Variants in XRCC1 observed in about 807,000 individuals in gnomAD.
XRCC1 encodes DNA repair protein XRCC1.
A neutral mutation model predicts 83.3 loss-of-function variants in XRCC1; 52 were observed. The observed-to-expected ratio is 0.62, with a 90% confidence interval of 0.50 to 0.79. XRCC1 has a LOEUF of 0.79. Among genes scored for constraint, XRCC1 ranks in the 30% least tolerant of loss-of-function variants. The pLI, the probability that XRCC1 is intolerant of heterozygous loss-of-function variation, is 0.00. For missense variants in XRCC1, 793 were observed against 823.5 expected (o/e 0.96, Z 0.45); for synonymous variants, 281 against 312.6 (o/e 0.90, Z 1.07).
intron 2 of XRCC1, among the ~76,000 whole-genome samples, chr19:43,566,922 C>A: frequency 6.7e-6 from 1 of 150,152 alleles, no homozygotes; most frequent in Non-Finnish European, 1.5e-5. Flanking sequence ...TGGTAACAAC[C>A]CAATAAATGT....
rs45592142 is a variant in XRCC1, at chr19:43,543,341, CGTGTGTGTGTGT to C, written c.*39_*50del. 3.1e-4 allele frequency: 319 copies of C among 1,044,498 alleles called. No individual in the cohort carries two copies. The highest frequency in any genetic ancestry group is 1.6e-3 in the African/African-American group (93 of 56,582). The allele number at this position is 1,044,498 out of a possible 1,614,324, so 64.7% of individuals were successfully genotyped here. On this transcript the variant is annotated 3_prime_UTR_variant, in exon 17 of 17. Coordinates refer to ENST00000262887, the MANE Select transcript of XRCC1 (RefSeq NM_006297.3). ...ACCAACTCATCTTTATTAAATGCAT[CGTGTGTGTGTGT>C]GTGTGTGTGTGTGTGTGTGTGTGTG...
intron 2 of XRCC1, among the ~76,000 whole-genome samples, chr19:43,566,027 G>A (rs1972748982): frequency 6.6e-6 from 1 of 152,098 alleles, no homozygotes; most frequent in Admixed American, 6.6e-5. Flanking sequence ...CTTGAGGCCA[G>A]GAGTTCAAGA....
At position 43,569,350 on chromosome 19, in the gene XRCC1, C is replaced by T. The variant is rs566155339; in HGVS notation, c.144+5560G>A. On this transcript the variant is annotated intron_variant, in intron 2 of 16. Transcript: ENST00000262887. ...AATTAGACTGGTGAACTGGCACATG[C>T]CTGTAGTCCCAACTACTGAGGAGGC... Among the ~76,000 whole-genome samples the T allele has an allele frequency of 3.1e-4, 47 of 152,032 alleles. No individual in the cohort carries two copies. The Middle Eastern group carries it at 0.01, about 33-fold the overall frequency.
At position 43,552,002 on chromosome 19, in the gene XRCC1, G is replaced by A. The variant is rs369308354; in HGVS notation, c.1082+15C>T. On this transcript the variant is annotated intron_variant, in intron 9 of 16. Coordinates refer to ENST00000262887, the MANE Select transcript of XRCC1 (RefSeq NM_006297.3). ...GAGAAACTGCAGCGGCGCAGGGAGG[G>A]GGGCGCAAGCCTACATGAGGTGCGT... The A allele has an allele frequency of 1.8e-4, 295 of 1,612,246 alleles. No homozygotes were observed. Among genetic ancestry groups the A allele is most frequent in the Admixed American group, 3.8e-4 (23 of 59,952 alleles).
At chr19:43,556,868 G>T (rs142327387) in intron 3 of XRCC1, among the ~76,000 whole-genome samples, 1,997 of 152,246 alleles carry the variant, frequency 0.013, 23 homozygotes, top group Non-Finnish European at 0.021. Context: ...AGCTGGACAT[G>T]GTGGTAGGCA....
intron 14 of XRCC1, among the ~76,000 whole-genome samples, chr19:43,545,608 G>A (rs1285299716): frequency 6.6e-6 from 1 of 152,178 alleles, no homozygotes; most frequent in Non-Finnish European, 1.5e-5. Context: ...AAATCTGGAG[G>A]GGAGAAAAAG....
chr19:43,555,210 CAG>C (rs1233769696), intron 3 of XRCC1: 1 of 156,332 alleles, frequency 6.4e-6, no homozygotes, highest in African/African-American at 2.4e-5. Context: ...AATGAGAAAA[CAG>C]AATCCAGAGA....
At chr19:43,568,958 A>G (rs1480293108) in intron 2 of XRCC1, among the ~76,000 whole-genome samples, 1 of 150,844 alleles carries the variant, frequency 6.6e-6, no homozygotes, top group Non-Finnish European at 1.5e-5. Flanking sequence ...GCTACTCAGG[A>G]AGCTGCCTCC....
chr19:43,571,630 A>T lies in XRCC1; in HGVS notation c.144+3280T>A, dbSNP rs1010503254. Among the ~76,000 whole-genome samples, 6 of 152,324 alleles carry T rather than the reference A, an allele frequency of 3.9e-5. No homozygotes were observed. In the East Asian group the frequency reaches 1.2e-3, roughly 29 times the overall value. On this transcript the variant is annotated intron_variant, in intron 2 of 16. Coordinates refer to ENST00000262887, the MANE Select transcript of XRCC1 (RefSeq NM_006297.3). ...GTGATCCTCCCGCCTCAGCCTCTGG[A>T]GTAGCTGGGACCACAGGCATAGGCC...
intron 6 of XRCC1, 37 bp from the exon 7 acceptor site, chr19:43,553,128 T>C (rs1361362766): frequency 6.5e-7 from 1 of 1,540,460 alleles, no homozygotes; most frequent in Non-Finnish European, 8.8e-7. Flanking sequence ...ATGAGAGGGC[T>C]GAGCCCCAAG....
chr19:43,543,769 T>TGGGGA, intron 15 of XRCC1, 82 bp from the exon 16 acceptor site: 1 of 1,336,760 alleles, frequency 7.5e-7, no homozygotes, highest in Non-Finnish European at 1.1e-6. Flanking sequence ...TCTCAATGGC[T>TGGGGA]GTCCCCACAC....
In XRCC1 at chr19:43,556,532, G is replaced by A. The variant is rs3213343; in HGVS notation, c.256-1728C>T. ...AAAAACCCAAGCTGAGGCCAGGCGC[G>A]GTGGCTCACGCCTGTAATCCCAGCA... On this transcript the variant is annotated intron_variant, in intron 3 of 16. Coordinates refer to ENST00000262887, the MANE Select transcript of XRCC1 (RefSeq NM_006297.3). Among the ~76,000 whole-genome samples, 1,311 of 152,252 alleles carry A rather than the reference G, an allele frequency of 8.6e-3. 18 individuals are homozygous for A. Among genetic ancestry groups the A allele is most frequent in the African/African-American group, 0.029 (1,194 of 41,548 alleles).
In XRCC1 at chr19:43,546,102, T is replaced by C; in HGVS notation, c.1431A>G (p.Gly477=). Residue 477 remains glycine, a synonymous_variant, in exon 13 of 17, where the codon GGA becomes GGG. Transcript: ENST00000262887. Reference sequence around the variant, plus strand: ...CAGAATCTTCCGCCCCATTGTCCTGTCCTTCTGCAAGTAGAAGCTCAGTCA... The same window carrying C: ...CAGAATCTTCCGCCCCATTGTCCTGCCCTTCTGCAAGTAGAAGCTCAGTCA... The part of the protein sequence containing the change: ...DIDIEGVQSE[G]QDNGAEDSGD... 6.2e-7 allele frequency: 1 copy of C among 1,613,054 alleles called. No individual in the cohort carries two copies. Among genetic ancestry groups the C allele is most frequent in the Non-Finnish European group, 8.5e-7 (1 of 1,179,712 alleles).
intron 3 of XRCC1, among the ~76,000 whole-genome samples, chr19:43,559,232 C>T (rs1271709867): frequency 6.6e-6 from 1 of 151,738 alleles, no homozygotes; most frequent in Admixed American, 6.6e-5. Context: ...ACCTGTAATC[C>T]CAGCACTTTG....
chr19:43,553,588 G>A (rs371448729), intron 5 of XRCC1, 21 bp downstream of exon 5: 51 of 1,611,450 alleles, frequency 3.2e-5, no homozygotes, highest in Non-Finnish European at 4.3e-5. Flanking sequence ...AAGGCCATGG[G>A]GAGTGACAGG....
chr19:43,546,450 G>T, intron 12 of XRCC1, 145 bp downstream of exon 12: 1 of 945,170 alleles, frequency 1.1e-6, no homozygotes, highest in Non-Finnish European at 1.6e-6. Flanking sequence ...AGACCCAGGA[G>T]TCCAGGTCCC....
intron 12 of XRCC1, 53 bp from the exon 13 acceptor site, chr19:43,546,159 G>A: frequency 1.2e-6 from 2 of 1,602,814 alleles, no homozygotes; most frequent in Non-Finnish European, 1.7e-6. Flanking sequence ...TGGGAAGACT[G>A]GCAGCTCTCC....
At chr19:43,548,778 A>AAAAAAC (rs1435234995) in intron 10 of XRCC1, among the ~76,000 whole-genome samples, 1 of 128,902 alleles carries the variant, frequency 7.8e-6, no homozygotes, top group African/African-American at 2.8e-5. Flanking sequence ...AAAAAAAAAA[A>AAAAAAC]AAAAAAAACA....
chr19:43,550,579 A>G (rs559664588), intron 10 of XRCC1, among the ~76,000 whole-genome samples: 3 of 152,290 alleles, frequency 2.0e-5, no homozygotes, highest in Admixed American at 2.0e-4. Context: ...AGTACAATCC[A>G]GTCTCCCCTC....
Sources: gnomAD v4.1 joint callset for allele counts (sites outside exome capture counted in the v4.1 genomes callset) on GRCh38, gnomAD v4.1.1 for gene constraint, MANE v1.5 for transcripts, NCBI Gene and HGNC (gene_info 2026-07-23, HGNC 2026-07-21) for gene names.